The following ZNF596 variants were observed in gnomAD, a reference collection of about 807,000 sequenced individuals.
ZNF596 encodes zinc finger protein 596.
ZNF596 carries 45 observed loss-of-function variants against 48.3 expected under a neutral mutation model. The ratio of observed to expected loss-of-function variants is 0.93; its 90% CI spans 0.73 to 1.19. ZNF596 has a LOEUF of 1.19. ZNF596 is among the 50% of genes most tolerant of loss of function. The pLI, the probability that ZNF596 is intolerant of heterozygous loss-of-function variation, is 0.00. For missense variants in ZNF596, 848 were observed against 599.7 expected, an observed-to-expected ratio of 1.41 and a Z score of -4.32; for synonymous variants, 270 against 202.0, an observed-to-expected ratio of 1.34 and a Z score of -2.85.
rs1796828180 is a variant in ZNF596, at chr8:240,917, A to G, written c.12+10A>G. 1.9e-6 allele frequency: 3 copies of G among 1,613,966 alleles called. No homozygotes were observed. Among genetic ancestry groups the G allele is most frequent in the Non-Finnish European group, 2.5e-6 (3 of 1,179,988 alleles). The stretch of plus-strand genomic sequence containing the variant: ...TACAATGCCATCACCGGTGAGTGGG[A>G]AATTCTTCTTTCTACTGAAATTTGT... On this transcript the variant is annotated intron_variant, in intron 2 of 5. Transcript: ENST00000398612.
At chr8:238,419 G>A (rs1796707514) in intron 1 of ZNF596, among the ~76,000 whole-genome samples, 1 of 152,034 alleles carries the variant, frequency 6.6e-6, no homozygotes, top group Non-Finnish European at 1.5e-5. Flanking sequence ...AGCTCTGTGA[G>A]ACTGGGAGAT....
intron 1 of ZNF596, among the ~76,000 whole-genome samples, chr8:235,887 C>T (rs12675669): frequency 0.073 from 11,107 of 151,992 alleles, 587 homozygotes; most frequent in East Asian, 0.16. Flanking sequence ...TGAAATTTGA[C>T]AACTTTATTT....
chr8:246,305 A>G lies in ZNF596; in HGVS notation c.1458A>G (p.Lys486=), dbSNP rs1217523017. The change falls in exon 6 of 6, where the codon AAA becomes AAG. Residue 486 remains lysine, a synonymous_variant. Transcript: ENST00000398612. The stretch of plus-strand genomic sequence containing the variant: ...CTCTATGTGGGAAAGCCTTTAGTAA[A>G]TTTTTTAACCTTAGACAACATGAGA... The part of the protein sequence containing the change: ...VCPLCGKAFS[K]FFNLRQHERT... 6.2e-7 allele frequency: 1 copy of G among 1,606,402 alleles called. No individual in the cohort carries two copies. The highest frequency in any genetic ancestry group is 8.5e-7 in the Non-Finnish European group (1 of 1,177,844).
At chr8:236,972 A>G (rs545779151) in intron 1 of ZNF596, 2 of 152,370 alleles carry the variant, frequency 1.3e-5, no homozygotes, top group East Asian at 1.9e-4. Flanking sequence ...CAAAGGAACT[A>G]GAAGTGATTT....
chr8:241,611 CAG>C (rs774091935), intron 2 of ZNF596, among the ~76,000 whole-genome samples: 17 of 152,220 alleles, frequency 1.1e-4, no homozygotes, highest in East Asian at 5.8e-4. Context: ...GTATAGGAAA[CAG>C]AGTAAATTTA....
rs1797123745 is a variant in ZNF596 at position 247,159 on chromosome 8, A to G, written c.*797A>G. On this transcript the variant is annotated 3_prime_UTR_variant, in exon 6 of 6. Coordinates refer to ENST00000398612, the MANE Select transcript of ZNF596 (RefSeq NM_001042416.3). Reference sequence around the variant, plus strand: ...CTCTAAAAAGCCATTGATGAGATGTATAGCTGGGGGACAAAACATAAAGCC... The same window carrying G: ...CTCTAAAAAGCCATTGATGAGATGTGTAGCTGGGGGACAAAACATAAAGCC... The G allele has an allele frequency of 6.6e-6, 1 of 152,182 alleles. No individual in the cohort carries two copies. The highest frequency in any genetic ancestry group is 6.5e-5 in the Admixed American group (1 of 15,286). 9.4% of individuals were successfully genotyped at this position (152,182 alleles called of 1,614,324 possible).
chr8:239,952 T>C (rs1489801871), intron 1 of ZNF596, among the ~76,000 whole-genome samples: 1 of 152,136 alleles, frequency 6.6e-6, no homozygotes, highest in Non-Finnish European at 1.5e-5. Context: ...TTATCACCTA[T>C]GAAGTTCCAA....
At chr8:240,743 G>A (rs1394653857) in intron 1 of ZNF596, 81 bp from the exon 2 acceptor site, 1 of 884,074 alleles carries the variant, frequency 1.1e-6, no homozygotes, top group East Asian at 2.6e-5. Context: ...GGTTGGACTG[G>A]GGCTAATAGC....
intron 1 of ZNF596, 51 bp from the exon 2 acceptor site, chr8:240,773 G>T: frequency 8.0e-7 from 1 of 1,256,508 alleles, no homozygotes; most frequent in Non-Finnish European, 1.2e-6. Flanking sequence ...GATGTTAGAA[G>T]CAAAACTGGA....
At chr8:239,103 C>T (rs2117082314) in intron 1 of ZNF596, among the ~76,000 whole-genome samples, 1 of 152,232 alleles carries the variant, frequency 6.6e-6, no homozygotes, top group East Asian at 1.9e-4. Flanking sequence ...TGAAATTATT[C>T]AATCAGAAGA....
chr8:238,237 C>G (rs1324691197), intron 1 of ZNF596, among the ~76,000 whole-genome samples: 1 of 152,004 alleles, frequency 6.6e-6, no homozygotes, highest in Non-Finnish European at 1.5e-5. Context: ...TTTATGGTGG[C>G]CCCCATGGTT....
chr8:244,884 C>T (rs2906331), intron 5 of ZNF596, among the ~76,000 whole-genome samples, 183 bp downstream of exon 5: 74,429 of 152,072 alleles, frequency 0.49, 19,690 homozygotes, highest in African/African-American at 0.7. Flanking sequence ...GACAGGACAA[C>T]TGTACAAACT....
chr8:246,261 G>T lies in ZNF596; in HGVS notation c.1414G>T (p.Glu472Ter). The T allele has an allele frequency of 6.2e-7, 1 of 1,613,246 alleles. No individual in the cohort carries two copies. Among genetic ancestry groups the T allele is most frequent in the Non-Finnish European group, 8.5e-7 (1 of 1,179,590 alleles). ...ACTTCATAGAAGAGTTCACACTGGA[G>T]AGAAACCATATGTATGTCCTCTATG... ...FRLHRRVHTG[E>*]KPYVCPLCGK... The change falls in exon 6 of 6, where the codon GAG becomes TAG. Residue 472 changes from glutamate to a stop codon, truncating the protein, a stop_gained. Coordinates refer to ENST00000398612, the MANE Select transcript of ZNF596 (RefSeq NM_001042416.3). LOFTEE classifies it high-confidence loss of function.
At chr8:235,327 C>T (rs1262934086) in intron 1 of ZNF596, among the ~76,000 whole-genome samples, 1 of 152,182 alleles carries the variant, frequency 6.6e-6, no homozygotes, top group Admixed American at 6.5e-5. Context: ...CCACTTGGGG[C>T]AAGTTGGGGG....
At position 240,709 on chromosome 8, in the gene ZNF596, C is replaced by G. The variant is rs1270350546; in HGVS notation, c.-72-115C>G. 25 of 662,916 alleles carry G rather than the reference C, an allele frequency of 3.8e-5. No individual in the cohort carries two copies. In the South Asian group the frequency reaches 4.5e-4, roughly 12 times the overall value. 41.1% of individuals were successfully genotyped at this position (662,916 alleles called of 1,614,324 possible). On this transcript the variant is annotated intron_variant, in intron 1 of 5. Transcript: ENST00000398612. Reference sequence around the variant, plus strand: ...AGGAGAGCCACCAACCCAACCCACCCCCTACCCACTGCATGTCCTTGTTGG... The same window carrying G: ...AGGAGAGCCACCAACCCAACCCACCGCCTACCCACTGCATGTCCTTGTTGG...
At chr8:236,171 CATA>C (rs1263126920) in intron 1 of ZNF596, among the ~76,000 whole-genome samples, 1 of 152,108 alleles carries the variant, frequency 6.6e-6, no homozygotes, top group Non-Finnish European at 1.5e-5. Context: ...AAATCGTAGT[CATA>C]ATATTTGCCT....
At chr8:239,889 AC>A in intron 1 of ZNF596, among the ~76,000 whole-genome samples, 1 of 152,098 alleles carries the variant, frequency 6.6e-6, no homozygotes, top group Non-Finnish European at 1.5e-5. Flanking sequence ...TCAGGTGATC[AC>A]CCCCCATCCT....
At position 236,681 on chromosome 8, in the gene ZNF596, A is replaced by G. The variant is rs111616042; in HGVS notation, c.-73+3987A>G. ...TGTGATTTTTTTAATCTTTAAAATT[A>G]CTTTGTGAAAATGATAGGTTTTCTA... is the stretch of plus-strand genomic sequence containing the variant. On this transcript the variant is annotated intron_variant, in intron 1 of 5. Coordinates refer to ENST00000398612, the MANE Select transcript of ZNF596 (RefSeq NM_001042416.3). Among the ~76,000 whole-genome samples, 300 of 152,292 alleles carry G rather than the reference A, an allele frequency of 2.0e-3. 6 individuals carry two copies. The highest frequency in any genetic ancestry group is 6.8e-3 in the Middle Eastern group (2 of 294).
At chr8:244,814 G>C in intron 5 of ZNF596, 113 bp downstream of exon 5, 2 of 855,838 alleles carry the variant, frequency 2.3e-6, no homozygotes, top group East Asian at 2.6e-5. Flanking sequence ...AGCAGTTTTA[G>C]ATAGTTTGGA....
Sources: allele counts gnomAD v4.1 joint callset (sites outside exome capture counted in the v4.1 genomes callset), GRCh38; gene constraint gnomAD v4.1.1; transcripts MANE v1.5; gene names NCBI Gene and HGNC (gene_info 2026-07-23, HGNC 2026-07-21).